RASSF8: variants seen among roughly 807,000 people sequenced by gnomAD.
RASSF8 encodes Ras association domain family member 8, also known as ras association domain-containing protein 8.
RASSF8 carries 22 observed loss-of-function variants against 48.5 expected under a neutral mutation model. That is an observed-to-expected ratio of 0.45 (90% CI 0.32 to 0.65). The LOEUF is 0.65. Ranked by LOEUF, RASSF8 falls within the 30% of genes least tolerant of loss-of-function variation. RASSF8 has a pLI of 0.03. For missense variants in RASSF8, 418 were observed against 489.2 expected (o/e 0.85, Z 1.37); for synonymous variants, 127 against 171.5 (o/e 0.74, Z 2.03).
chr12:26,066,576 T>TA (rs1477275873), intron 4 of RASSF8, among the ~76,000 whole-genome samples: 1 of 152,112 alleles, frequency 6.6e-6, no homozygotes, highest in African/African-American at 2.4e-5. Flanking sequence ...TTTTGACATT[T>TA]AAAAAAAGGT....
rs1263676941 is a variant in RASSF8 at position 26,069,395 on chromosome 12, G to C, written c.*577G>C. ...GCATTTGTTTTGTGAAACTGTCCTA[G>C]CCATTGCTTAATTAGGTGAAATAAT... On this transcript the variant is annotated 3_prime_UTR_variant, in exon 6 of 6. Coordinates refer to ENST00000689635, the MANE Select transcript of RASSF8 (RefSeq NM_001394098.1). 1.0e-6 allele frequency: 1 copy of C among 985,000 alleles called. No homozygotes were observed. Among genetic ancestry groups the C allele is most frequent in the Non-Finnish European group, 1.2e-6 (1 of 829,672 alleles). The allele number at this position is 985,000 out of a possible 1,614,324, so 61.0% of individuals were successfully genotyped here. A position where few individuals can be genotyped will look rare whatever the true frequency, so the allele number is the denominator to read the frequency against.
At chr12:26,045,313 A>G (rs1943349573) in intron 2 of RASSF8, among the ~76,000 whole-genome samples, 1 of 152,202 alleles carries the variant, frequency 6.6e-6, no homozygotes, top group African/African-American at 2.4e-5. Flanking sequence ...AGAAATTTTA[A>G]GAAACATTAA....
chr12:26,039,487 T>G (rs777550075), intron 2 of RASSF8, among the ~76,000 whole-genome samples: 3 of 151,932 alleles, frequency 2.0e-5, no homozygotes, highest in Non-Finnish European at 2.9e-5. Flanking sequence ...GGGGCGGGGG[T>G]CGGTGTTGCA....
At chr12:26,025,256 A>G (rs897067117) in intron 2 of RASSF8, among the ~76,000 whole-genome samples, 5 of 152,054 alleles carry the variant, frequency 3.3e-5, no homozygotes, top group African/African-American at 9.7e-5. Context: ...AGGCAAGAAC[A>G]TGAGATAAGA....
At chr12:26,025,560 CT>C (rs1332957397) in intron 2 of RASSF8, among the ~76,000 whole-genome samples, 2 of 70,274 alleles carry the variant, frequency 2.8e-5, no homozygotes, top group Admixed American at 1.6e-4. Flanking sequence ...GAGACTCTGT[CT>C]CAAAAAAAAA....
At chr12:26,051,467 ATG>A (rs1329262157) in intron 2 of RASSF8, among the ~76,000 whole-genome samples, 1 of 152,120 alleles carries the variant, frequency 6.6e-6, no homozygotes, top group African/African-American at 2.4e-5. Context: ...ACCTTGCTTT[ATG>A]TGTTTTTTTC....
At chr12:25,959,465 G>C (rs1941175933) in intron 1 of RASSF8, 1 of 152,380 alleles carries the variant, frequency 6.6e-6, no homozygotes, top group Non-Finnish European at 1.5e-5. Flanking sequence ...TCTTGCAAAG[G>C]GAATTTTATG....
In RASSF8 at chr12:26,068,610, TG is replaced by T. The variant is rs373025357; in HGVS notation, c.1139-83del. The T allele has an allele frequency of 2.7e-5, 29 of 1,070,350 alleles. No homozygotes were observed. The African/African-American group carries it at 3.3e-4, about 12-fold the overall frequency. The allele number at this position is 1,070,350 out of a possible 1,614,324, so 66.3% of individuals were successfully genotyped here. On this transcript the variant is annotated intron_variant, in intron 5 of 5. Transcript: ENST00000689635. ...TATTGCTCTATGCAGTTTTCCCTTT[TG>T]GGGTAGGAAGCAGTCTGATTTTTTA...
At chr12:26,078,942 C>A in intron 5 of RASSF8, 1 of 1,223,624 alleles carries the variant, frequency 8.2e-7, no homozygotes, top group Non-Finnish European at 1.1e-6. Flanking sequence ...CAAACTAAAG[C>A]TAGTAATTGA....
At position 26,071,071 on chromosome 12, in the gene RASSF8, G is replaced by A. The variant is rs1180681903; in HGVS notation, c.*2253G>A. 2.0e-6 allele frequency: 2 copies of A among 981,066 alleles called. No homozygotes were observed. The highest frequency in any genetic ancestry group is 2.4e-6 in the Non-Finnish European group (2 of 826,196). 60.8% of individuals were successfully genotyped at this position (981,066 alleles called of 1,614,324 possible). A position where few individuals can be genotyped will look rare whatever the true frequency, so the allele number is the denominator to read the frequency against. ...ATTACAGATTTAAAAAAATTTCCTAGGCGACGAAAGTATAGAAATGTGAAT... is the reference window on the plus strand; with the variant it reads ...ATTACAGATTTAAAAAAATTTCCTAAGCGACGAAAGTATAGAAATGTGAAT... On this transcript the variant is annotated 3_prime_UTR_variant, in exon 6 of 6. Transcript: ENST00000689635.
chr12:26,009,528 G>A (rs1942473221), intron 2 of RASSF8, among the ~76,000 whole-genome samples: 2 of 152,190 alleles, frequency 1.3e-5, no homozygotes, highest in South Asian at 4.1e-4. Context: ...GTATTTCCAA[G>A]TCATGAGACT....
chr12:25,997,955 G>T (rs1272331438), intron 2 of RASSF8, among the ~76,000 whole-genome samples: 4 of 152,170 alleles, frequency 2.6e-5, no homozygotes, highest in Non-Finnish European at 5.9e-5. Flanking sequence ...GACATTTTCT[G>T]ATAATGTATC....
At chr12:26,045,539 G>A (rs1943354505) in intron 2 of RASSF8, among the ~76,000 whole-genome samples, 1 of 152,148 alleles carries the variant, frequency 6.6e-6, no homozygotes, top group African/African-American at 2.4e-5. Flanking sequence ...ACCTGCAAAG[G>A]AATATGCTTT....
intron 3 of RASSF8, among the ~76,000 whole-genome samples, chr12:26,058,761 A>C (rs1943672756): frequency 6.6e-6 from 1 of 152,254 alleles, no homozygotes; most frequent in African/African-American, 2.4e-5. Context: ...TAGAAACAAC[A>C]TAGTTTGATG....
At chr12:26,047,456 G>A (rs778681858) in intron 2 of RASSF8, among the ~76,000 whole-genome samples, 6 of 152,098 alleles carry the variant, frequency 3.9e-5, no homozygotes, top group Non-Finnish European at 8.8e-5. Context: ...TTTAATATAT[G>A]TAAAACTTAA....
At chr12:26,025,329 G>A (rs1370347961) in intron 2 of RASSF8, among the ~76,000 whole-genome samples, 1 of 151,990 alleles carries the variant, frequency 6.6e-6, no homozygotes, top group Non-Finnish European at 1.5e-5. Flanking sequence ...AAGCCGAGGC[G>A]GGCAGATCAC....
chr12:26,031,664 A>G (rs1943033312), intron 2 of RASSF8, among the ~76,000 whole-genome samples: 1 of 152,186 alleles, frequency 6.6e-6, no homozygotes, highest in South Asian at 2.1e-4. Context: ...GAGAGACTTA[A>G]AATAGAGGAC....
intron 2 of RASSF8, among the ~76,000 whole-genome samples, chr12:26,001,097 G>A (rs1039827818): frequency 7.0e-6 from 1 of 141,884 alleles, no homozygotes; most frequent in Non-Finnish European, 1.5e-5. Context: ...TGATCCTCCC[G>A]CTTCAGCCTA....
chr12:25,971,048 A>G (rs1410542880), intron 1 of RASSF8, among the ~76,000 whole-genome samples: 1 of 152,188 alleles, frequency 6.6e-6, no homozygotes, highest in Non-Finnish European at 1.5e-5. Flanking sequence ...CTCTACTTTA[A>G]ACAACTAAGC....
Sources: gnomAD v4.1 joint callset for allele counts (sites outside exome capture counted in the v4.1 genomes callset) on GRCh38, gnomAD v4.1.1 for gene constraint, MANE v1.5 for transcripts, NCBI Gene and HGNC (gene_info 2026-07-23, HGNC 2026-07-21) for gene names.